Variants in CKMT2 observed in about 807,000 individuals in gnomAD.
The protein encoded by CKMT2 is creatine kinase, mitochondrial 2, also known as creatine kinase S-type, mitochondrial.
A neutral mutation model predicts 48.9 loss-of-function variants in CKMT2; 43 were observed. That is an observed-to-expected ratio of 0.88 (90% CI 0.69 to 1.13). CKMT2 has a LOEUF of 1.13. CKMT2 is among the 50% of genes most tolerant of loss of function. The pLI, the probability that CKMT2 is intolerant of heterozygous loss-of-function variation, is 0.00. For synonymous variants in CKMT2, 206 were observed against 213.0 expected, an observed-to-expected ratio of 0.97 and a Z score of 0.29; for missense variants, 472 against 555.4, an observed-to-expected ratio of 0.85 and a Z score of 1.51.
intron 7 of CKMT2, among the ~76,000 whole-genome samples, chr5:81,258,650 C>T (rs951233448): frequency 6.6e-6 from 1 of 152,120 alleles, no homozygotes; most frequent in African/African-American, 2.4e-5. Context: ...GTGGGTAAGC[C>T]AGCATTACTA....
chr5:81,263,552 T>A lies in CKMT2; in HGVS notation c.1076T>A (p.Val359Glu). 1 of 1,613,246 alleles carries A rather than the reference T, an allele frequency of 6.2e-7. No individual in the cohort carries two copies. Among genetic ancestry groups the A allele is most frequent in the Non-Finnish European group, 8.5e-7 (1 of 1,179,480 alleles). The change falls in exon 9 of 10, where the codon GTG becomes GAG. Residue 359 changes from valine (V) to glutamate (E), a missense_variant. Val to Glu is a moderately radical substitution (Grantham distance 121). Coordinates refer to ENST00000254035, the MANE Select transcript of CKMT2 (RefSeq NM_001099735.2). ...CTCCAGAAGCGTGGCACAGGTGGTG[T>A]GGACACTGCCGCGGTCGCAGATGTG... ...LRLQKRGTGG[V>E]DTAAVADVYD... is the part of the protein sequence containing the mutation.
Position 81,244,121 on chromosome 5 carries a change from C to T in CKMT2, c.-20-6992C>T, listed in dbSNP as rs138255296. 4.4e-3 allele frequency: 4,307 copies of T among 985,390 alleles called. 13 individuals are homozygous for T. Among genetic ancestry groups the T allele is most frequent in the Non-Finnish European group, 4.9e-3 (4,026 of 829,888 alleles). The allele number at this position is 985,390 out of a possible 1,614,324, so 61.0% of individuals were successfully genotyped here. ...ACCAGGGGAGATGTCAACCGTCTGC[C>T]GGTGACTGGGAAGTTTTCTGCAAGT... On this transcript the variant is annotated intron_variant, in intron 1 of 9. Coordinates refer to ENST00000254035, the MANE Select transcript of CKMT2 (RefSeq NM_001099735.2).
chr5:81,237,833 A>G (rs1158081887), intron 1 of CKMT2: 1 of 152,178 alleles, frequency 6.6e-6, no homozygotes, highest in African/African-American at 2.4e-5. Flanking sequence ...CTTTTAACCT[A>G]AAAAGGTGTC....
At chr5:81,242,896 C>T (rs1756484944) in intron 1 of CKMT2, among the ~76,000 whole-genome samples, 1 of 152,180 alleles carries the variant, frequency 6.6e-6, no homozygotes, top group Non-Finnish European at 1.5e-5. Context: ...AAAAGCAATG[C>T]AAGGGAATAG....
rs146777847 is a variant in CKMT2 at position 81,254,473 on chromosome 5, G to A, written c.429G>A (p.Thr143=). The change falls in exon 4 of 10, where the codon ACG becomes ACA. Residue 143 remains threonine, a synonymous_variant. Transcript: ENST00000254035. ...ACCCCAGGGTGATGAAGCACACAACGGATCTGGATGCATCAAAGGTAGGCT... is the reference window on the plus strand; with the variant it reads ...ACCCCAGGGTGATGAAGCACACAACAGATCTGGATGCATCAAAGGTAGGCT... The part of the protein sequence containing the change: ...GYDPRVMKHT[T]DLDASKITQG... 4.1e-4 allele frequency: 660 copies of A among 1,614,058 alleles called. 4 individuals are homozygous for A. In the African/African-American group the frequency reaches 8.0e-3, roughly 19 times the overall value.
chr5:81,234,596 T>C (rs1022973792), intron 1 of CKMT2, among the ~76,000 whole-genome samples: 2 of 152,200 alleles, frequency 1.3e-5, no homozygotes, highest in East Asian at 3.9e-4. Flanking sequence ...CCCCAGACTT[T>C]GGAGTTAATC....
chr5:81,251,344 C>T, intron 2 of CKMT2, 60 bp downstream of exon 2: 1 of 1,566,898 alleles, frequency 6.4e-7, no homozygotes, highest in Non-Finnish European at 8.7e-7. Flanking sequence ...TGCATGTAAT[C>T]CCAGCACTTT....
chr5:81,259,924 T>C (rs1352584979), intron 8 of CKMT2, among the ~76,000 whole-genome samples: 1 of 152,210 alleles, frequency 6.6e-6, no homozygotes, highest in Admixed American at 6.5e-5. Flanking sequence ...ATGTACATTC[T>C]TCTCAGCATC....
chr5:81,257,078 T>G (rs1757037013), intron 6 of CKMT2, 78 bp downstream of exon 6: 2 of 1,226,840 alleles, frequency 1.6e-6, no homozygotes, highest in Non-Finnish European at 2.4e-6. Context: ...TAACCTGGAG[T>G]TGCTGTGTAC....
intron 1 of CKMT2, among the ~76,000 whole-genome samples, chr5:81,249,576 A>G (rs1415343178): frequency 6.6e-6 from 1 of 152,166 alleles, no homozygotes; most frequent in African/African-American, 2.4e-5. Flanking sequence ...CCTCTTTTTC[A>G]TCGTTTGTTG....
intron 3 of CKMT2, among the ~76,000 whole-genome samples, chr5:81,253,719 T>G (rs904307477): frequency 1.3e-5 from 2 of 152,204 alleles, no homozygotes; most frequent in African/African-American, 4.8e-5. Context: ...CTCTCTAGAC[T>G]CAAAGTCCTC....
rs528381254 is a variant in CKMT2, at chr5:81,244,044, C to A, written c.-20-7069C>A. On this transcript the variant is annotated intron_variant, in intron 1 of 9. Transcript: ENST00000254035. ...TTTGCCTCTTTCCCCAAAAATAGAT[C>A]AAAGGAAATGTTTCCCTTTGTCCCG... is the stretch of plus-strand genomic sequence containing the variant. 820 of 985,364 alleles carry A rather than the reference C, an allele frequency of 8.3e-4. 1 individual carries two copies. Among genetic ancestry groups the A allele is most frequent in the Non-Finnish European group, 9.4e-4 (784 of 829,896 alleles). The allele number at this position is 985,364 out of a possible 1,614,324, so 61.0% of individuals were successfully genotyped here. A position where few individuals can be genotyped will look rare whatever the true frequency, so the allele number is the denominator to read the frequency against.
intron 1 of CKMT2, chr5:81,242,374 G>C (rs1469888639): frequency 4.3e-6 from 2 of 469,268 alleles, no homozygotes; most frequent in African/African-American, 2.0e-5. Context: ...TCCTTGGGCT[G>C]AGACTCCTTG....
rs1207088752 is a variant in CKMT2, at chr5:81,243,936, G to A, written c.-20-7177G>A. ...TCTAACTCCTGACCTCAGGTGATCCGCCCACCTTGGCCTCCCAAAGTGCTG... is the reference window on the plus strand; with the variant it reads ...TCTAACTCCTGACCTCAGGTGATCCACCCACCTTGGCCTCCCAAAGTGCTG... On this transcript the variant is annotated intron_variant, in intron 1 of 9. Coordinates refer to ENST00000254035, the MANE Select transcript of CKMT2 (RefSeq NM_001099735.2). 6 of 665,896 alleles carry A rather than the reference G, an allele frequency of 9.0e-6. No homozygotes were observed. The South Asian group carries it at 2.0e-4, about 22-fold the overall frequency. 41.2% of individuals were successfully genotyped at this position (665,896 alleles called of 1,614,324 possible). A position where few individuals can be genotyped will look rare whatever the true frequency, so the allele number is the denominator to read the frequency against.
chr5:81,235,939 T>C (rs1756230333), intron 1 of CKMT2: 1 of 152,078 alleles, frequency 6.6e-6, no homozygotes, highest in Non-Finnish European at 1.5e-5. Context: ...AATTCAGGAG[T>C]CATTGTGGTG....
intron 1 of CKMT2, among the ~76,000 whole-genome samples, chr5:81,234,332 A>G (rs1756190950): frequency 6.6e-6 from 1 of 152,186 alleles, no homozygotes; most frequent in Admixed American, 6.5e-5. Context: ...AGTGGCCCTC[A>G]GGACAAGGTT....
At chr5:81,251,010 A>G in intron 1 of CKMT2, 103 bp from the exon 2 acceptor site, 1 of 742,804 alleles carries the variant, frequency 1.3e-6, no homozygotes, top group Middle Eastern at 3.3e-4. Context: ...GAGACACCGG[A>G]AAGAGAGGCT....
Position 81,252,759 on chromosome 5 carries a change from T to C in CKMT2, c.217T>C (p.Tyr73His). 2 of 1,614,202 alleles carry C rather than the reference T, an allele frequency of 1.2e-6. No homozygotes were observed. ...CMAECLTPAI[Y>H]AKLRNKVTPN... is the part of the protein sequence containing the mutation. ...GGCCGAGTGCCTCACCCCCGCCATTTATGCCAAGCTTCGCAACAAGGTGAC... is the reference window on the plus strand; with the variant it reads ...GGCCGAGTGCCTCACCCCCGCCATTCATGCCAAGCTTCGCAACAAGGTGAC... Residue 73 changes from tyrosine to histidine, a missense_variant, in exon 3 of 10, where the codon TAT becomes CAT. Tyr to His is a moderately conservative substitution (Grantham distance 83). Coordinates refer to ENST00000254035, the MANE Select transcript of CKMT2 (RefSeq NM_001099735.2).
At chr5:81,254,913 T>C (rs1302877602) in intron 4 of CKMT2, 80 bp from the exon 5 acceptor site, 1 of 1,164,562 alleles carries the variant, frequency 8.6e-7, no homozygotes, top group African/African-American at 1.5e-5. Flanking sequence ...AAACTGCAGA[T>C]TGGCGATTAG....
Sources: gnomAD v4.1 joint callset for allele counts (sites outside exome capture counted in the v4.1 genomes callset) on GRCh38, gnomAD v4.1.1 for gene constraint, MANE v1.5 for transcripts, NCBI Gene and HGNC (gene_info 2026-07-23, HGNC 2026-07-21) for gene names.